Variants in MAPK4 observed in about 807,000 individuals in gnomAD.
MAPK4 encodes mitogen-activated protein kinase 4, also known as Erk3-related.
A neutral mutation model predicts 47.7 loss-of-function variants in MAPK4; 22 were observed. That is an observed-to-expected ratio of 0.46 (90% CI 0.33 to 0.66). The LOEUF (loss-of-function observed/expected upper bound fraction) is 0.66, where lower values mean the gene tolerates loss of function less well. Ranked by LOEUF, MAPK4 falls within the 30% of genes least tolerant of loss-of-function variation. The probability of loss-of-function intolerance (pLI) is 0.02; values close to 1 mark genes in which losing one functional copy is unlikely to be tolerated. For synonymous variants in MAPK4, 390 were observed against 365.7 expected (o/e 1.07, Z -0.76); for missense variants, 736 against 831.7 (o/e 0.88, Z 1.42).
At chr18:50,566,896 G>T (rs1274475391) in intron 1 of MAPK4, among the ~76,000 whole-genome samples, 2 of 152,098 alleles carry the variant, frequency 1.3e-5, no homozygotes, top group African/African-American at 2.4e-5. Context: ...ATTTTGCTGT[G>T]TATTTTTAGT....
intron 1 of MAPK4, among the ~76,000 whole-genome samples, chr18:50,598,286 A>G (rs1175193387): frequency 6.6e-6 from 1 of 152,230 alleles, no homozygotes; most frequent in Non-Finnish European, 1.5e-5. Flanking sequence ...ACTCGATCAC[A>G]TCACTTACAA....
chr18:50,626,899 G>C (rs1003016253), intron 1 of MAPK4, among the ~76,000 whole-genome samples: 1 of 152,186 alleles, frequency 6.6e-6, no homozygotes, highest in African/African-American at 2.4e-5. Flanking sequence ...GAGCCCCTCT[G>C]CTCACAGCAC....
At position 50,730,704 on chromosome 18, in the gene MAPK4, GAC is replaced by G. The variant is rs1480740168; in HGVS notation, c.*854_*855del. Reference sequence around the variant, plus strand: ...CCTATGCACTTTCCTGACACGCAAAGACACAGCCCTCTTTCCCCACTGGGCGT... The same window carrying G: ...CCTATGCACTTTCCTGACACGCAAAGACAGCCCTCTTTCCCCACTGGGCGT... On this transcript the variant is annotated 3_prime_UTR_variant, in exon 6 of 6. Transcript: ENST00000400384. 1 of 152,366 alleles carries G rather than the reference GAC, an allele frequency of 6.6e-6. No homozygotes were observed. Among genetic ancestry groups the G allele is most frequent in the African/African-American group, 2.4e-5 (1 of 41,324 alleles). The allele number at this position is 152,366 out of a possible 1,614,324, so 9.4% of individuals were successfully genotyped here. A position where few individuals can be genotyped will look rare whatever the true frequency, so the allele number is the denominator to read the frequency against.
At chr18:50,727,526 C>T (rs917905530) in intron 5 of MAPK4, among the ~76,000 whole-genome samples, 7 of 152,194 alleles carry the variant, frequency 4.6e-5, no homozygotes, top group African/African-American at 1.7e-4. Flanking sequence ...TCTTCTGCCA[C>T]CCCTGGGGCA....
rs1335455829 is a variant in MAPK4 at position 50,664,172 on chromosome 18, C to T, written c.214C>T (p.Leu72=). The change falls in exon 2 of 6, where the codon CTG becomes TTG. Residue 72 remains leucine (L), a synonymous_variant. Transcript: ENST00000400384. The surrounding 1 kb of genome is among the most constrained non-coding windows in gnomAD (Gnocchi z 6.0). ...ALREIKIIRR[L]DHDNIVKVYE... ...CCGAGAGATCAAGATCATTCGGCGC[C>T]TGGACCACGACAACATCGTCAAAGT... is the stretch of plus-strand genomic sequence containing the variant. 6.2e-7 allele frequency: 1 copy of T among 1,614,106 alleles called. No individual in the cohort carries two copies. The highest frequency in any genetic ancestry group is 1.3e-5 in the African/African-American group (1 of 75,038).
chr18:50,648,930 C>G (rs564948810), intron 1 of MAPK4, among the ~76,000 whole-genome samples: 6 of 152,322 alleles, frequency 3.9e-5, no homozygotes, highest in African/African-American at 1.4e-4. Flanking sequence ...GTCCTTGGAG[C>G]CTGGATGAGG....
At chr18:50,645,862 T>G (rs2042984271) in intron 1 of MAPK4, among the ~76,000 whole-genome samples, 1 of 152,230 alleles carries the variant, frequency 6.6e-6, no homozygotes, top group Non-Finnish European at 1.5e-5. Context: ...AGTGCATACC[T>G]CAGTTTTCCC....
intron 1 of MAPK4, among the ~76,000 whole-genome samples, chr18:50,657,935 G>A (rs977280124): frequency 6.6e-5 from 10 of 152,056 alleles, no homozygotes; most frequent in Non-Finnish European, 1.2e-4. Context: ...CGTTTCCTGG[G>A]TAGGTGGCCA....
At chr18:50,585,321 G>A (rs972765172) in intron 1 of MAPK4, among the ~76,000 whole-genome samples, 1 of 152,092 alleles carries the variant, frequency 6.6e-6, no homozygotes, top group Non-Finnish European at 1.5e-5. Context: ...TATGAATGTC[G>A]CTAATTTGCT....
chr18:50,646,430 G>A (rs1598861866), intron 1 of MAPK4, among the ~76,000 whole-genome samples: 1 of 152,156 alleles, frequency 6.6e-6, no homozygotes, highest in East Asian at 1.9e-4. Flanking sequence ...TGGGTCCTCT[G>A]TGCCCTGGAA....
rs144770588 is a variant in MAPK4, at chr18:50,581,442, C to T, written c.-871+21199C>T. On this transcript the variant is annotated intron_variant, in intron 1 of 5. Coordinates refer to ENST00000400384, the MANE Select transcript of MAPK4 (RefSeq NM_002747.4). ...CAGCTGCCTCCCTCCAGGGCACACA[C>T]GTGATCCAAGAGAGCAACCGAGCAG... Among the ~76,000 whole-genome samples the T allele has an allele frequency of 3.9e-5, 6 of 152,272 alleles. No homozygotes were observed. In the East Asian group the frequency reaches 7.7e-4, roughly 20 times the overall value.
chr18:50,622,039 C>T (rs2042737027), intron 1 of MAPK4, among the ~76,000 whole-genome samples: 1 of 152,230 alleles, frequency 6.6e-6, no homozygotes, highest in Non-Finnish European at 1.5e-5. Context: ...ACAGCCCTTA[C>T]AGTTCACTGT....
At chr18:50,599,667 C>T (rs1183201459) in intron 1 of MAPK4, among the ~76,000 whole-genome samples, 1 of 152,170 alleles carries the variant, frequency 6.6e-6, no homozygotes, top group Non-Finnish European at 1.5e-5. Context: ...GGTCCACCTC[C>T]CTCAGCTTCC....
chr18:50,720,403 CA>C (rs1281478477), intron 3 of MAPK4, among the ~76,000 whole-genome samples: 7 of 152,132 alleles, frequency 4.6e-5, no homozygotes, highest in African/African-American at 1.7e-4. Flanking sequence ...CCTCATTCCA[CA>C]AGGGGTGGGG....
intron 2 of MAPK4, among the ~76,000 whole-genome samples, chr18:50,702,935 C>A (rs1420639059): frequency 6.6e-6 from 1 of 152,224 alleles, no homozygotes; most frequent in African/African-American, 2.4e-5. Context: ...CCGGGAGCTG[C>A]CTCCCAGTAT....
chr18:50,585,152 G>A (rs1014588315), intron 1 of MAPK4, among the ~76,000 whole-genome samples: 1 of 152,210 alleles, frequency 6.6e-6, no homozygotes, highest in Non-Finnish European at 1.5e-5. Context: ...AGATGCTTGG[G>A]TGTCAGCCCC....
chr18:50,566,070 G>A (rs1383244794), intron 1 of MAPK4, among the ~76,000 whole-genome samples: 6 of 152,200 alleles, frequency 3.9e-5, no homozygotes, highest in South Asian at 4.1e-4. Flanking sequence ...TTGCTTTAGT[G>A]TAGAAATGTT....
At chr18:50,610,272 A>G (rs537248740) in intron 1 of MAPK4, among the ~76,000 whole-genome samples, 2 of 152,304 alleles carry the variant, frequency 1.3e-5, no homozygotes, top group East Asian at 1.9e-4. Context: ...GGCTCATAGA[A>G]CTACAGCTCA....
chr18:50,698,609 T>C (rs978938770), intron 2 of MAPK4, among the ~76,000 whole-genome samples: 5 of 152,152 alleles, frequency 3.3e-5, no homozygotes, highest in African/African-American at 9.7e-5. Flanking sequence ...AAAAAGCTTC[T>C]ACCTCCCTGC....
Sources: allele counts gnomAD v4.1 joint callset (sites outside exome capture counted in the v4.1 genomes callset), GRCh38; gene constraint gnomAD v4.1.1; non-coding constraint Gnocchi (gnomAD v3.1); transcripts MANE v1.5; gene names NCBI Gene and HGNC (gene_info 2026-07-23, HGNC 2026-07-21).